Variants in MYO1D observed in about 807,000 individuals in gnomAD.
MYO1D encodes the protein unconventional myosin-Id.
A neutral mutation model predicts 122.0 loss-of-function variants in MYO1D; 83 were observed. The ratio of observed to expected loss-of-function variants is 0.68; its 90% confidence interval spans 0.57 to 0.82. MYO1D has a LOEUF of 0.82. Ranked by LOEUF, MYO1D falls within the 40% of genes least tolerant of loss-of-function variation. The pLI, the probability that MYO1D is intolerant of heterozygous loss-of-function variation, is 0.00. For missense variants in MYO1D, 1,157 were observed against 1,269.5 expected (o/e 0.91, Z 1.35); for synonymous variants, 464 against 446.9 (o/e 1.04, Z -0.48).
chr17:32,696,968 C>T (rs997120879), intron 16 of MYO1D, among the ~76,000 whole-genome samples: 2 of 152,192 alleles, frequency 1.3e-5, no homozygotes, highest in African/African-American at 4.8e-5. Flanking sequence ...GATCTGTCCT[C>T]CCTGTTAATG....
At position 32,775,182 on chromosome 17, in the gene MYO1D, T is replaced by C. The variant is rs180981133; in HGVS notation, c.564+682A>G. ...TGGGTATGGTGGGCCATGCCTGTGG[T>C]CCCAGCTACTCAGGAGGCTGAGGTG... On this transcript the variant is annotated intron_variant, in intron 4 of 21. Transcript: ENST00000318217. Among the ~76,000 whole-genome samples the C allele has an allele frequency of 2.3e-3, 354 of 152,164 alleles. 4 individuals carry two copies. Among genetic ancestry groups the C allele is most frequent in the African/African-American group, 7.3e-3 (302 of 41,518 alleles).
At chr17:32,837,953 G>A (rs894088606) in intron 1 of MYO1D, among the ~76,000 whole-genome samples, 1 of 135,898 alleles carries the variant, frequency 7.4e-6, no homozygotes, top group Non-Finnish European at 1.6e-5. Flanking sequence ...CTAAGGTATT[G>A]TGCTTTTCTT....
intron 21 of MYO1D, among the ~76,000 whole-genome samples, chr17:32,575,283 T>C (rs2087268764): frequency 6.6e-6 from 1 of 152,250 alleles, no homozygotes; most frequent in South Asian, 2.1e-4. Flanking sequence ...CGAGGACCTT[T>C]GATTTACCTT....
chr17:32,775,854 C>T lies in MYO1D; in HGVS notation c.564+10G>A. 1 of 1,586,594 alleles carries T rather than the reference C, an allele frequency of 6.3e-7. No individual in the cohort carries two copies. The highest frequency in any genetic ancestry group is 1.8e-5 in the Admixed American group (1 of 56,126). On this transcript the variant is annotated intron_variant, in intron 4 of 21. Coordinates refer to ENST00000318217, the MANE Select transcript of MYO1D (RefSeq NM_015194.3). The stretch of plus-strand genomic sequence containing the variant: ...TAAAACATTACCCTCAGAAATTAAG[C>T]ATATTTTACCTTTTCTAGTAAGTAG...
chr17:32,704,677 T>G (rs1375671746), intron 16 of MYO1D, among the ~76,000 whole-genome samples: 1 of 152,142 alleles, frequency 6.6e-6, no homozygotes, highest in Non-Finnish European at 1.5e-5. Context: ...CAAGCACTGC[T>G]CTAGGTAAAC....
At chr17:32,745,178 A>G (rs2089819676) in intron 13 of MYO1D, 33 bp downstream of exon 13, 4 of 1,190,658 alleles carry the variant, frequency 3.4e-6, no homozygotes, top group Non-Finnish European at 4.9e-6. Context: ...AATGAGCTTA[A>G]TCTAGAGTTA....
At chr17:32,504,050 A>G (rs971652058) in intron 21 of MYO1D, among the ~76,000 whole-genome samples, 1 of 152,212 alleles carries the variant, frequency 6.6e-6, no homozygotes, top group Non-Finnish European at 1.5e-5. Flanking sequence ...CTGGGTCTGC[A>G]GCTGGTGAGG....
intron 1 of MYO1D, among the ~76,000 whole-genome samples, chr17:32,829,438 G>C (rs769671461): frequency 6.6e-6 from 1 of 152,156 alleles, no homozygotes; most frequent in South Asian, 2.1e-4. Context: ...GTAGGAACTT[G>C]AGTCTCATGC....
intron 20 of MYO1D, among the ~76,000 whole-genome samples, chr17:32,610,760 T>A (rs534405507): frequency 1.6e-4 from 24 of 152,298 alleles, no homozygotes; most frequent in Non-Finnish European, 2.6e-4. Context: ...GAAAATATAA[T>A]TTTAAAACCT....
At chr17:32,688,527 T>C (rs2089051106) in intron 16 of MYO1D, among the ~76,000 whole-genome samples, 1 of 152,126 alleles carries the variant, frequency 6.6e-6, no homozygotes, top group South Asian at 2.1e-4. Context: ...GGGAGGACTT[T>C]AGTGAGGAGG....
intron 21 of MYO1D, among the ~76,000 whole-genome samples, chr17:32,590,273 C>G (rs1355298581): frequency 6.6e-6 from 1 of 152,208 alleles, no homozygotes; most frequent in East Asian, 1.9e-4. Context: ...GCATATTCTC[C>G]TCCCTTCTAT....
intron 15 of MYO1D, among the ~76,000 whole-genome samples, chr17:32,720,108 C>A (rs1348775790): frequency 2.0e-5 from 3 of 151,682 alleles, no homozygotes; most frequent in African/African-American, 7.3e-5. Context: ...TATATTTATT[C>A]ATTTTTGGGG....
chr17:32,709,547 AAATAG>A (rs2089349898), intron 16 of MYO1D, among the ~76,000 whole-genome samples: 1 of 152,178 alleles, frequency 6.6e-6, no homozygotes. Flanking sequence ...CATTCTTGAG[AAATAG>A]AACTGAATGA....
At chr17:32,501,330 C>T (rs1909311283) in intron 21 of MYO1D, among the ~76,000 whole-genome samples, 1 of 152,144 alleles carries the variant, frequency 6.6e-6, no homozygotes, top group Admixed American at 6.5e-5. Context: ...AAGCAGCCCT[C>T]AGGAAACAAA....
At chr17:32,527,905 C>A (rs2150871370) in intron 21 of MYO1D, among the ~76,000 whole-genome samples, 1 of 148,746 alleles carries the variant, frequency 6.7e-6, no homozygotes, top group African/African-American at 2.5e-5. Flanking sequence ...GTGGCACGAT[C>A]TTGGCTCATT....
Position 32,659,105 on chromosome 17 carries a change from A to G in MYO1D, c.2345+10T>C. On this transcript the variant is annotated intron_variant, in intron 17 of 21. Coordinates refer to ENST00000318217, the MANE Select transcript of MYO1D (RefSeq NM_015194.3). ...ATAAATGGATGCAGCACACAGCAGC[A>G]CGTTCTTACCTATTGAAAATCGTCT... The G allele has an allele frequency of 6.2e-7, 1 of 1,611,144 alleles. No homozygotes were observed. The highest frequency in any genetic ancestry group is 8.5e-7 in the Non-Finnish European group (1 of 1,177,348).
rs983368885 is a variant in MYO1D at position 32,499,895 on chromosome 17, G to A, written c.2865-4980C>T. Among the ~76,000 whole-genome samples the A allele has an allele frequency of 2.6e-5, 4 of 151,966 alleles. No homozygotes were observed. In the East Asian group the frequency reaches 5.8e-4, roughly 22 times the overall value. Reference sequence around the variant, plus strand: ...GAAGAATCGCTGGAGCCTGGGAGGCGGAGGCTGCAGTGAGCCGAGACTGAG... The same window carrying A: ...GAAGAATCGCTGGAGCCTGGGAGGCAGAGGCTGCAGTGAGCCGAGACTGAG... On this transcript the variant is annotated intron_variant, in intron 21 of 21. Transcript: ENST00000318217.
chr17:32,598,699 G>T (rs2087526960), intron 21 of MYO1D, among the ~76,000 whole-genome samples: 1 of 152,152 alleles, frequency 6.6e-6, no homozygotes, highest in African/African-American at 2.4e-5. Context: ...GCATATAAAA[G>T]TTATGTTTAC....
chr17:32,653,415 T>C (rs1413954777), intron 19 of MYO1D, among the ~76,000 whole-genome samples: 1 of 151,918 alleles, frequency 6.6e-6, no homozygotes, highest in Non-Finnish European at 1.5e-5. Context: ...GAGACCAGCC[T>C]GACCAACATG....
Sources: gnomAD v4.1 joint callset for allele counts (sites outside exome capture counted in the v4.1 genomes callset) on GRCh38, gnomAD v4.1.1 for gene constraint, MANE v1.5 for transcripts, NCBI Gene and HGNC (gene_info 2026-07-23, HGNC 2026-07-21) for gene names.